The following PLEKHG1 variants were observed in gnomAD, a reference collection of about 807,000 sequenced individuals.
The protein encoded by PLEKHG1 is pleckstrin homology domain-containing family G member 1.
PLEKHG1 carries 44 observed loss-of-function variants against 100.8 expected under a neutral mutation model. That is an observed-to-expected ratio of 0.44 (90% confidence interval 0.34 to 0.56). The LOEUF (loss-of-function observed/expected upper bound fraction) is 0.56. Ranked by LOEUF, PLEKHG1 falls within the 20% of genes least tolerant of loss-of-function variation. The probability of loss-of-function intolerance (pLI) is 0.01; values close to 1 mark genes in which losing one functional copy is unlikely to be tolerated. For missense variants in PLEKHG1, 1,545 were observed against 1,720.9 expected, an observed-to-expected ratio of 0.90 and a Z score of 1.81; for synonymous variants, 640 against 662.5, an observed-to-expected ratio of 0.97 and a Z score of 0.52.
intron 2 of PLEKHG1, among the ~76,000 whole-genome samples, chr6:150,639,312 TTC>T (rs948724926): frequency 2.6e-5 from 4 of 152,216 alleles, no homozygotes; most frequent in South Asian, 2.1e-4. Flanking sequence ...TTCTCTATTT[TTC>T]TTTTTTAATT....
At position 150,773,061 on chromosome 6, in the gene PLEKHG1, TTG is replaced by T. The variant is rs1330742266; in HGVS notation, c.512+4327_512+4328del. 2.6e-5 allele frequency among the ~76,000 whole-genome samples: 4 copies of T among 152,078 alleles called. No homozygotes were observed. In the East Asian group the frequency reaches 7.7e-4, roughly 29 times the overall value. On this transcript the variant is annotated intron_variant, in intron 3 of 15. Transcript: ENST00000358517. ...CTTTTTATAGTGCGTAGGTTTTGTG[TTG>T]TGTTTTTTTAAAAAGTCCTTTCAAT... is the stretch of plus-strand genomic sequence containing the variant.
chr6:150,749,050 G>T (rs894192975), intron 2 of PLEKHG1, among the ~76,000 whole-genome samples: 1 of 152,042 alleles, frequency 6.6e-6, no homozygotes, highest in Non-Finnish European at 1.5e-5. Context: ...GATTAGCACC[G>T]ACCTGGCATA....
intron 6 of PLEKHG1, among the ~76,000 whole-genome samples, chr6:150,801,437 C>CTTTTTTTTT (rs35282307): frequency 9.2e-6 from 1 of 108,784 alleles, no homozygotes; most frequent in Non-Finnish European, 1.9e-5. Context: ...CTTTTCTTTT[C>CTTTTTTTTT]TTTTTTTTTT....
At chr6:150,698,962 C>G (rs1780658530) in intron 3 of PLEKHG1, among the ~76,000 whole-genome samples, 1 of 152,164 alleles carries the variant, frequency 6.6e-6, no homozygotes, top group South Asian at 2.1e-4. Flanking sequence ...ATAGCTGGTA[C>G]AAAGGCATAT....
At chr6:150,713,757 T>C (rs1781324645) in intron 3 of PLEKHG1, among the ~76,000 whole-genome samples, 1 of 151,786 alleles carries the variant, frequency 6.6e-6, no homozygotes, top group Non-Finnish European at 1.5e-5. Flanking sequence ...TGGGAAGGGG[T>C]GGGGGGCAGT....
At chr6:150,766,043 C>G (rs572619595) in intron 2 of PLEKHG1, among the ~76,000 whole-genome samples, 1 of 152,078 alleles carries the variant, frequency 6.6e-6, no homozygotes, top group Non-Finnish European at 1.5e-5. Flanking sequence ...GGAGGCTGCT[C>G]GTGTGCAAAT....
intron 11 of PLEKHG1, 151 bp downstream of exon 12, chr6:150,818,367 C>T: frequency 3.1e-6 from 2 of 644,594 alleles, no homozygotes; most frequent in Non-Finnish European, 5.4e-6. Flanking sequence ...AGTATAATCC[C>T]TTCTAAGCAC....
chr6:150,799,974 C>G (rs1494310), intron 5 of PLEKHG1, among the ~76,000 whole-genome samples: 87,265 of 152,100 alleles, frequency 0.57, 26,288 homozygotes, highest in East Asian at 0.82. Context: ...AAGATGTTTT[C>G]GTCTGTGCTC....
chr6:150,820,039 T>A (rs1176901821), intron 12 of PLEKHG1, among the ~76,000 whole-genome samples: 1 of 151,910 alleles, frequency 6.6e-6, no homozygotes, highest in African/African-American at 2.4e-5. Flanking sequence ...AGAAACCACA[T>A]CTCTAGTAAA....
intron 1 of PLEKHG1, among the ~76,000 whole-genome samples, chr6:150,627,509 T>A (rs1355517147): frequency 6.6e-6 from 1 of 151,398 alleles, no homozygotes; most frequent in Non-Finnish European, 1.5e-5. Context: ...CAGTGGCCTT[T>A]AAAAAAAAAT....
At chr6:150,745,734 A>ACAACACTCAAAAATTCATC (rs1358120634) in intron 2 of PLEKHG1, among the ~76,000 whole-genome samples, 7 of 152,084 alleles carry the variant, frequency 4.6e-5, no homozygotes, top group Admixed American at 4.6e-4. Context: ...GGTACCAAGA[A>ACAACACTCAAAAATTCATC]CAACACTCAA....
intron 1 of PLEKHG1, among the ~76,000 whole-genome samples, chr6:150,723,916 C>T (rs1367125418): frequency 2.0e-5 from 3 of 152,206 alleles, no homozygotes; most frequent in Non-Finnish European, 4.4e-5. Flanking sequence ...ATCTGAAAGG[C>T]TTCTCATCCA....
At chr6:150,834,121 T>A (rs904922769) in intron 15 of PLEKHG1, among the ~76,000 whole-genome samples, 4 of 152,218 alleles carry the variant, frequency 2.6e-5, no homozygotes, top group Non-Finnish European at 2.9e-5. Context: ...CTGAAGGATT[T>A]CACAGACTCT....
chr6:150,633,561 C>G (rs1258955277), intron 1 of PLEKHG1, among the ~76,000 whole-genome samples: 1 of 152,170 alleles, frequency 6.6e-6, no homozygotes, highest in African/African-American at 2.4e-5. Context: ...AGTCTGGAGG[C>G]TTTGGCTGCA....
Position 150,637,262 on chromosome 6 carries a change from C to T in PLEKHG1, c.-203-818C>T, listed in dbSNP as rs144672310. The stretch of plus-strand genomic sequence containing the variant: ...ATTAGATCCATAGAGAAAGAACTCC[C>T]ATCGTGGGTCATGAAATTTTGCCAC... On this transcript the variant is annotated intron_variant, in intron 1 of 3. Coordinates refer to the PLEKHG1 transcript ENST00000367326. 4.2e-3 allele frequency among the ~76,000 whole-genome samples: 635 copies of T among 152,226 alleles called. 8 individuals are homozygous for T. The highest frequency in any genetic ancestry group is 0.015 in the African/African-American group (610 of 41,496).
chr6:150,630,780 T>C (rs573436661), intron 1 of PLEKHG1, among the ~76,000 whole-genome samples: 4 of 152,056 alleles, frequency 2.6e-5, no homozygotes, highest in South Asian at 4.2e-4. Context: ...CAGAGTGAGA[T>C]AGAGAAGAGG....
At chr6:150,701,918 A>T (rs938519638) in intron 3 of PLEKHG1, among the ~76,000 whole-genome samples, 3 of 152,098 alleles carry the variant, frequency 2.0e-5, no homozygotes, top group African/African-American at 7.2e-5. Context: ...ATGTCATTTA[A>T]ATCAAAAGGT....
At chr6:150,750,101 A>G (rs926819014) in intron 2 of PLEKHG1, among the ~76,000 whole-genome samples, 1 of 151,868 alleles carries the variant, frequency 6.6e-6, no homozygotes, top group African/African-American at 2.4e-5. Context: ...TACTAGAAGA[A>G]CATTTTTACT....
chr6:150,832,478 G>A (rs1777004042), intron 15 of PLEKHG1, among the ~76,000 whole-genome samples: 1 of 152,110 alleles, frequency 6.6e-6, no homozygotes, highest in Admixed American at 6.6e-5. Flanking sequence ...TTTTCTCTAA[G>A]GTGATCTGAA....
Sources: allele counts gnomAD v4.1 joint callset (sites outside exome capture counted in the v4.1 genomes callset), GRCh38; gene constraint gnomAD v4.1.1; transcripts MANE v1.5; gene names NCBI Gene and HGNC (gene_info 2026-07-23, HGNC 2026-07-21).